Variants in ALCAM observed in about 807,000 individuals in gnomAD.
The protein encoded by ALCAM is activated leukocyte cell adhesion molecule, also known as CD166 antigen.
In ALCAM, 30 loss-of-function variants were observed where a neutral mutation model predicts 70.9. The observed-to-expected ratio is 0.42, with a 90% CI of 0.32 to 0.57. ALCAM has a LOEUF of 0.57. Among genes scored for constraint, ALCAM ranks in the 20% least tolerant of loss-of-function variants. The pLI is 0.11. For synonymous variants in ALCAM, 249 were observed against 242.5 expected (o/e 1.03, Z -0.25); for missense variants, 591 against 695.1 (o/e 0.85, Z 1.68).
intron 1 of ALCAM, among the ~76,000 whole-genome samples, chr3:105,382,257 A>T (rs1404959473): frequency 2.0e-5 from 3 of 151,952 alleles, no homozygotes; most frequent in Non-Finnish European, 4.4e-5. Context: ...TGTCCCTACA[A>T]AGGACATGAA....
At chr3:105,482,176 G>A (rs1341762037) in intron 1 of ALCAM, among the ~76,000 whole-genome samples, 2 of 152,080 alleles carry the variant, frequency 1.3e-5, no homozygotes, top group Admixed American at 6.6e-5. Context: ...GCAGTGGCAC[G>A]ATCTTTGGTC....
At chr3:105,511,612 C>T (rs1939239370) in intron 1 of ALCAM, among the ~76,000 whole-genome samples, 1 of 152,030 alleles carries the variant, frequency 6.6e-6, no homozygotes, top group Admixed American at 6.6e-5. Context: ...CGGAAATCAG[C>T]CAGCAAGCTG....
intron 1 of ALCAM, among the ~76,000 whole-genome samples, chr3:105,368,396 T>C (rs1054338250): frequency 2.6e-5 from 4 of 152,106 alleles, no homozygotes; most frequent in African/African-American, 7.2e-5. Flanking sequence ...GGGTATTCCG[T>C]GCGCTCACAG....
intron 1 of ALCAM, among the ~76,000 whole-genome samples, chr3:105,518,928 C>CGA (rs537613364): frequency 1.1e-3 from 164 of 152,116 alleles, no homozygotes; most frequent in Non-Finnish European, 1.0e-3. Flanking sequence ...AGATAACAGT[C>CGA]GAAAGATGGT....
rs189751976 is a variant in ALCAM, at chr3:105,546,799, T to C, written c.1105-350T>C. Among the ~76,000 whole-genome samples the C allele has an allele frequency of 8.1e-3, 1,223 of 151,490 alleles. 12 individuals are homozygous for C. The highest frequency in any genetic ancestry group is 0.01 in the Middle Eastern group (3 of 294). On this transcript the variant is annotated intron_variant, in intron 9 of 15. Transcript: ENST00000306107. ...ACATAATCTTAGGATTGTGTCTAGT[T>C]GCCTGCTTAGGAGCATTTCAATTCC... is the stretch of plus-strand genomic sequence containing the variant.
intron 1 of ALCAM, among the ~76,000 whole-genome samples, chr3:105,458,886 T>C (rs949938116): frequency 6.6e-6 from 1 of 152,180 alleles, no homozygotes; most frequent in South Asian, 2.1e-4. Context: ...TCTCTGTCAT[T>C]ACCCTTCTAA....
intron 1 of ALCAM, among the ~76,000 whole-genome samples, chr3:105,376,576 T>C (rs1935384266): frequency 6.6e-6 from 1 of 152,244 alleles, no homozygotes; most frequent in Non-Finnish European, 1.5e-5. Flanking sequence ...ACATTCAAGA[T>C]CCTATCACTC....
chr3:105,464,573 A>G (rs1324902125), intron 1 of ALCAM, among the ~76,000 whole-genome samples: 1 of 151,346 alleles, frequency 6.6e-6, no homozygotes, highest in African/African-American at 2.4e-5. Flanking sequence ...ATAATGTAGT[A>G]TGTTTTCTAC....
At chr3:105,407,237 G>C (rs1300798420) in intron 1 of ALCAM, among the ~76,000 whole-genome samples, 2 of 146,548 alleles carry the variant, frequency 1.4e-5, no homozygotes, top group East Asian at 4.1e-4. Flanking sequence ...CAAAACCAGA[G>C]AAGGACATAA....
chr3:105,378,635 T>G (rs1176346348), intron 1 of ALCAM, among the ~76,000 whole-genome samples: 1 of 151,770 alleles, frequency 6.6e-6, no homozygotes, highest in Non-Finnish European at 1.5e-5. Context: ...AATAGTTTTT[T>G]TTTTTTTTTT....
At chr3:105,562,161 T>G (rs1445965049) in intron 14 of ALCAM, among the ~76,000 whole-genome samples, 1 of 152,232 alleles carries the variant, frequency 6.6e-6, no homozygotes, top group African/African-American at 2.4e-5. Flanking sequence ...CTATCAGGTG[T>G]AATTTAAGGG....
At chr3:105,480,805 G>A (rs138087040) in intron 1 of ALCAM, among the ~76,000 whole-genome samples, 1 of 152,264 alleles carries the variant, frequency 6.6e-6, no homozygotes, top group African/African-American at 2.4e-5. Flanking sequence ...ATTTATCCAT[G>A]TTGGGAAATG....
At chr3:105,479,037 A>G (rs1392250973) in intron 1 of ALCAM, among the ~76,000 whole-genome samples, 2 of 152,176 alleles carry the variant, frequency 1.3e-5, no homozygotes, top group Non-Finnish European at 2.9e-5. Context: ...TGTCTAGTCT[A>G]TAACAGATTT....
At chr3:105,440,177 A>G (rs1481580252) in intron 1 of ALCAM, among the ~76,000 whole-genome samples, 1 of 152,172 alleles carries the variant, frequency 6.6e-6, no homozygotes, top group Non-Finnish European at 1.5e-5. Flanking sequence ...TAGAGAAAGC[A>G]CCTTGGGGAA....
intron 6 of ALCAM, 73 bp downstream of exon 6, chr3:105,534,918 G>C: frequency 7.3e-7 from 1 of 1,377,466 alleles, no homozygotes; most frequent in South Asian, 1.5e-5. Flanking sequence ...AATCTTTGAG[G>C]TCCCAATCCA....
At chr3:105,443,913 T>G (rs1368739174) in intron 1 of ALCAM, among the ~76,000 whole-genome samples, 1 of 151,938 alleles carries the variant, frequency 6.6e-6, no homozygotes, top group African/African-American at 2.4e-5. Context: ...CAAAAAAACA[T>G]AGACTGAAGT....
intron 14 of ALCAM, among the ~76,000 whole-genome samples, chr3:105,569,672 A>G (rs1382393777): frequency 6.6e-6 from 1 of 152,202 alleles, no homozygotes; most frequent in Non-Finnish European, 1.5e-5. Context: ...GATGCCTACC[A>G]TGTTCTAGTC....
At chr3:105,374,419 A>G (rs1405640585) in intron 1 of ALCAM, among the ~76,000 whole-genome samples, 1 of 152,116 alleles carries the variant, frequency 6.6e-6, no homozygotes, top group East Asian at 1.9e-4. Flanking sequence ...AAAAGAACGT[A>G]ATGCTCTGAA....
chr3:105,523,672 T>A (rs1939614148), intron 2 of ALCAM, among the ~76,000 whole-genome samples: 1 of 152,214 alleles, frequency 6.6e-6, no homozygotes, highest in Non-Finnish European at 1.5e-5. Flanking sequence ...TGAAAGACTT[T>A]TGAGCTCATT....
Sources: allele counts gnomAD v4.1 joint callset (sites outside exome capture counted in the v4.1 genomes callset), GRCh38; gene constraint gnomAD v4.1.1; transcripts MANE v1.5; gene names NCBI Gene and HGNC (gene_info 2026-07-23, HGNC 2026-07-21).